INPP4B: variants seen among roughly 807,000 people sequenced by gnomAD.
INPP4B encodes inositol polyphosphate 4-phosphatase type II.
In INPP4B, 55 loss-of-function variants were observed where a neutral mutation model predicts 122.5. That is an observed-to-expected ratio of 0.45 (90% CI 0.36 to 0.56). The LOEUF (loss-of-function observed/expected upper bound fraction) is 0.56, where lower values mean the gene tolerates loss of function less well. Ranked by LOEUF, INPP4B falls within the 20% of genes least tolerant of loss-of-function variation. The probability of loss-of-function intolerance (pLI) is 0.00; values close to 1 mark genes in which losing one functional copy is unlikely to be tolerated. For missense variants in INPP4B, 1,000 were observed against 1,097.7 expected, an observed-to-expected ratio of 0.91 and a Z score of 1.26; for synonymous variants, 403 against 388.7, an observed-to-expected ratio of 1.04 and a Z score of -0.43.
intron 12 of INPP4B, among the ~76,000 whole-genome samples, chr4:142,215,793 T>A (rs910992471): frequency 2.0e-5 from 3 of 148,550 alleles, no homozygotes; most frequent in Non-Finnish European, 4.4e-5. Context: ...CTCGGGAGGC[T>A]GAGGCGGGAG....
rs1458100328 is a variant in INPP4B at position 142,027,240 on chromosome 4, C to A, written c.*1542G>T. ...ATTCTAGTATAAAAAGCTCCAAATGCTTATCTAAAATTTGTAGTAATTTGA... is the reference window on the plus strand; with the variant it reads ...ATTCTAGTATAAAAAGCTCCAAATGATTATCTAAAATTTGTAGTAATTTGA... On this transcript the variant is annotated 3_prime_UTR_variant, in exon 26 of 26. Transcript: ENST00000262992. 1 of 152,088 alleles carries A rather than the reference C, an allele frequency of 6.6e-6. No individual in the cohort carries two copies. The highest frequency in any genetic ancestry group is 1.5e-5 in the Non-Finnish European group (1 of 68,000). 9.4% of individuals were successfully genotyped at this position (152,088 alleles called of 1,614,324 possible). A position where few individuals can be genotyped will look rare whatever the true frequency, so the allele number is the denominator to read the frequency against.
At chr4:142,730,273 T>G (rs928590065) in intron 1 of INPP4B, among the ~76,000 whole-genome samples, 2 of 152,124 alleles carry the variant, frequency 1.3e-5, no homozygotes, top group Non-Finnish European at 2.9e-5. Flanking sequence ...GGGGTCAAAG[T>G]TTTCCAATTT....
At chr4:142,652,562 C>A (rs1753214546) in intron 2 of INPP4B, among the ~76,000 whole-genome samples, 1 of 152,140 alleles carries the variant, frequency 6.6e-6, no homozygotes. Flanking sequence ...CACAAACATT[C>A]CTAAACACCA....
chr4:142,562,567 C>T (rs1646396524), intron 2 of INPP4B, among the ~76,000 whole-genome samples: 1 of 152,148 alleles, frequency 6.6e-6, no homozygotes, highest in African/African-American at 2.4e-5. Context: ...TACTTGTGGA[C>T]AAGGTGTCCT....
At chr4:142,733,003 C>G (rs1766320906) in intron 1 of INPP4B, among the ~76,000 whole-genome samples, 1 of 152,060 alleles carries the variant, frequency 6.6e-6, no homozygotes, top group Admixed American at 6.6e-5. Flanking sequence ...CAGAAACAAA[C>G]TCACACAAGT....
chr4:142,548,193 C>A (rs1007252948), intron 2 of INPP4B, among the ~76,000 whole-genome samples: 6 of 152,094 alleles, frequency 3.9e-5, no homozygotes, highest in African/African-American at 1.4e-4. Context: ...GTGGAAGAAC[C>A]AAGTTGCCAA....
At chr4:142,137,802 C>T (rs1212941275) in intron 18 of INPP4B, among the ~76,000 whole-genome samples, 110 of 151,848 alleles carry the variant, frequency 7.2e-4, no homozygotes, top group African/African-American at 2.5e-3. Context: ...CCATCACTGG[C>T]CATTAGAGAA....
rs568253774 is a variant in INPP4B, at chr4:142,616,941, G to A, written c.-191+108898C>T. 3.9e-5 allele frequency among the ~76,000 whole-genome samples: 6 copies of A among 152,162 alleles called. No homozygotes were observed. The South Asian group carries it at 1.2e-3, about 32-fold the overall frequency. On this transcript the variant is annotated intron_variant, in intron 2 of 25. Coordinates refer to ENST00000262992, the MANE Select transcript of INPP4B (RefSeq NM_001101669.3). ...ATAGACACTGGAGACTCCTAAAGGT[G>A]GGGAGGGTAGGAAGGGTATGAGGAA... is the stretch of plus-strand genomic sequence containing the variant.
intron 7 of INPP4B, among the ~76,000 whole-genome samples, chr4:142,349,591 CT>C (rs1383966916): frequency 2.6e-5 from 4 of 151,782 alleles, no homozygotes; most frequent in Admixed American, 6.6e-5. Flanking sequence ...AAATACAGGC[CT>C]TTTTTGACAT....
At chr4:142,756,378 A>AGAATC (rs1770523803) in intron 1 of INPP4B, among the ~76,000 whole-genome samples, 3 of 152,092 alleles carry the variant, frequency 2.0e-5, no homozygotes, top group African/African-American at 4.8e-5. Context: ...AGGTAAGACA[A>AGAATC]TTAATCCTCT....
intron 1 of INPP4B, among the ~76,000 whole-genome samples, chr4:142,728,157 A>T (rs186738919): frequency 6.6e-6 from 1 of 152,328 alleles, no homozygotes; most frequent in Non-Finnish European, 1.5e-5. Flanking sequence ...GAGGAGAAAC[A>T]TTAGTAACAG....
chr4:142,038,098 A>T (rs1363404653), intron 25 of INPP4B, among the ~76,000 whole-genome samples: 1 of 152,170 alleles, frequency 6.6e-6, no homozygotes, highest in Non-Finnish European at 1.5e-5. Flanking sequence ...AATAACTCGA[A>T]ATACTCTAGA....
chr4:142,225,517 A>T (rs966232337), intron 12 of INPP4B, among the ~76,000 whole-genome samples: 2 of 147,102 alleles, frequency 1.4e-5, no homozygotes, highest in African/African-American at 5.0e-5. Context: ...TATACACACA[A>T]ATATATATAT....
intron 17 of INPP4B, among the ~76,000 whole-genome samples, chr4:142,147,547 G>A (rs1246479495): frequency 6.6e-6 from 1 of 152,168 alleles, no homozygotes; most frequent in East Asian, 1.9e-4. Flanking sequence ...CAGTTGGAAT[G>A]ATAATTCTTG....
chr4:142,416,271 G>A (rs1434038804), intron 5 of INPP4B, among the ~76,000 whole-genome samples: 1 of 152,114 alleles, frequency 6.6e-6, no homozygotes, highest in East Asian at 1.9e-4. Flanking sequence ...TGGGCAGGAG[G>A]TAGCAAGCCG....
intron 23 of INPP4B, among the ~76,000 whole-genome samples, chr4:142,104,679 G>A (rs1156984764): frequency 1.3e-5 from 2 of 151,906 alleles, no homozygotes; most frequent in East Asian, 1.9e-4. Flanking sequence ...GTTGTCCCTT[G>A]GTACCCAAGG....
intron 11 of INPP4B, among the ~76,000 whole-genome samples, chr4:142,247,722 T>A (rs1173809324): frequency 6.6e-6 from 1 of 152,144 alleles, no homozygotes; most frequent in Non-Finnish European, 1.5e-5. Flanking sequence ...TCTATTTTGT[T>A]AATCTTTTCA....
intron 1 of INPP4B, among the ~76,000 whole-genome samples, chr4:142,805,207 A>G (rs989722999): frequency 6.6e-6 from 1 of 152,230 alleles, no homozygotes; most frequent in East Asian, 1.9e-4. Flanking sequence ...TAAATCCTTA[A>G]CATAATTTCA....
intron 2 of INPP4B, among the ~76,000 whole-genome samples, chr4:142,591,019 G>C (rs1368621353): frequency 1.3e-5 from 2 of 151,928 alleles, no homozygotes; most frequent in Admixed American, 1.3e-4. Context: ...AAAAAAGAAA[G>C]AGAAAAAAAC....
Sources: gnomAD v4.1 joint callset for allele counts (sites outside exome capture counted in the v4.1 genomes callset) on GRCh38, gnomAD v4.1.1 for gene constraint, MANE v1.5 for transcripts, NCBI Gene and HGNC (gene_info 2026-07-23, HGNC 2026-07-21) for gene names.